The following CCDC170 variants were observed in gnomAD, a reference collection of about 807,000 sequenced individuals.
CCDC170 encodes coiled-coil domain-containing protein 170.
A neutral mutation model predicts 72.6 loss-of-function variants in CCDC170; 69 were observed. The observed-to-expected ratio is 0.95, with a 90% CI of 0.78 to 1.16. The LOEUF (loss-of-function observed/expected upper bound fraction) is 1.16, where lower values mean the gene tolerates loss of function less well. Among genes scored for constraint, CCDC170 ranks in the 50% most tolerant of loss-of-function variants. The pLI is 0.00. For missense variants in CCDC170, 852 were observed against 832.5 expected (o/e 1.02, Z -0.29); for synonymous variants, 300 against 303.9 (o/e 0.99, Z 0.13).
chr6:151,539,707 G>T (rs768761229), intron 3 of CCDC170, among the ~76,000 whole-genome samples: 15 of 152,160 alleles, frequency 9.9e-5, no homozygotes, highest in Non-Finnish European at 2.1e-4. Context: ...TCTTCCCAGA[G>T]CTCAAGAACC....
intron 9 of CCDC170, among the ~76,000 whole-genome samples, chr6:151,613,177 GA>G (rs1171503381): frequency 6.6e-6 from 1 of 152,238 alleles, no homozygotes; most frequent in Non-Finnish European, 1.5e-5. Flanking sequence ...GCTGAGGCGA[GA>G]GGATCACTTG....
At chr6:151,568,230 G>A in intron 5 of CCDC170, among the ~76,000 whole-genome samples, 1 of 151,402 alleles carries the variant, frequency 6.6e-6, no homozygotes, top group East Asian at 1.9e-4. Context: ...TTGGGACTGT[G>A]AACAGCAGGT....
chr6:151,551,920 C>T (rs1782884614), intron 5 of CCDC170, among the ~76,000 whole-genome samples: 1 of 152,144 alleles, frequency 6.6e-6, no homozygotes, highest in Non-Finnish European at 1.5e-5. Flanking sequence ...TATCATTTCA[C>T]ATTCACATTT....
intron 1 of CCDC170, among the ~76,000 whole-genome samples, chr6:151,521,900 G>A (rs932006152): frequency 2.0e-5 from 3 of 151,378 alleles, no homozygotes; most frequent in African/African-American, 7.3e-5. Context: ...GCAGGAGGAC[G>A]GTGTGAACCC....
At chr6:151,520,241 G>C (rs1782297786) in intron 1 of CCDC170, among the ~76,000 whole-genome samples, 1 of 152,246 alleles carries the variant, frequency 6.6e-6, no homozygotes, top group African/African-American at 2.4e-5. Flanking sequence ...CTTGTGATAA[G>C]TGCCAGGAGG....
At chr6:151,574,352 T>C (rs943923352) in intron 6 of CCDC170, among the ~76,000 whole-genome samples, 6 of 152,234 alleles carry the variant, frequency 3.9e-5, no homozygotes, top group African/African-American at 1.4e-4. Flanking sequence ...CTGCTGTACA[T>C]TCACTCACTG....
In CCDC170 at chr6:151,593,284, G is replaced by A. The variant is rs753680806; in HGVS notation, c.1467+4G>A. 5 of 1,611,382 alleles carry A rather than the reference G, an allele frequency of 3.1e-6. No individual in the cohort carries two copies. The highest frequency in any genetic ancestry group is 2.2e-5 in the South Asian group (2 of 90,842). ...TGCCCACAATTTGCAGAGAAAGGTA[G>A]GAGATATTGAAACTTGCTAGTATTG... On this transcript the variant is annotated splice_donor_region_variant and intron_variant, in intron 8 of 10. Coordinates refer to ENST00000239374, the MANE Select transcript of CCDC170 (RefSeq NM_025059.4).
intron 1 of CCDC170, among the ~76,000 whole-genome samples, chr6:151,512,161 TG>T (rs1341370194): frequency 2.7e-5 from 4 of 147,336 alleles, no homozygotes; most frequent in African/African-American, 7.9e-5. Context: ...CGTTTTTTTT[TG>T]TTTTTTTTTT....
intron 9 of CCDC170, among the ~76,000 whole-genome samples, chr6:151,597,832 T>C (rs1007503834): frequency 6.6e-6 from 1 of 152,218 alleles, no homozygotes; most frequent in African/African-American, 2.4e-5. Flanking sequence ...GCAAGTACAG[T>C]GGACAATAAC....
At chr6:151,506,056 T>C (rs1444859577) in intron 1 of CCDC170, among the ~76,000 whole-genome samples, 1 of 152,146 alleles carries the variant, frequency 6.6e-6, no homozygotes, top group Non-Finnish European at 1.5e-5. Context: ...AGCTATGATT[T>C]GTACCACTTC....
chr6:151,507,199 G>C (rs1782078428), intron 1 of CCDC170, among the ~76,000 whole-genome samples: 1 of 152,120 alleles, frequency 6.6e-6, no homozygotes, highest in Non-Finnish European at 1.5e-5. Flanking sequence ...AGAGCCTGTT[G>C]TAGCCCCTGC....
At chr6:151,533,011 GATGTGGGCA>G in intron 1 of CCDC170, among the ~76,000 whole-genome samples, 1 of 151,458 alleles carries the variant, frequency 6.6e-6, no homozygotes, top group Admixed American at 6.6e-5. Flanking sequence ...CTATTTGAAT[GATGTGGGCA>G]GCTCCTGCTT....
intron 7 of CCDC170, among the ~76,000 whole-genome samples, chr6:151,592,802 T>C (rs1776562288): frequency 6.6e-6 from 1 of 152,204 alleles, no homozygotes; most frequent in Non-Finnish European, 1.5e-5. Flanking sequence ...AGCAGAGAGA[T>C]GAAGATGTCA....
At chr6:151,562,868 G>A (rs1376444944) in intron 5 of CCDC170, among the ~76,000 whole-genome samples, 1 of 152,204 alleles carries the variant, frequency 6.6e-6, no homozygotes. Context: ...GGCCTTAGGG[G>A]AGGGGCTGGG....
At chr6:151,552,019 G>A (rs73615755) in intron 5 of CCDC170, among the ~76,000 whole-genome samples, 15,934 of 128,080 alleles carry the variant, frequency 0.12, 2,716 homozygotes, top group African/African-American at 0.4. Flanking sequence ...TTGTTGATTA[G>A]TGTCAGGTTT....
intron 7 of CCDC170, among the ~76,000 whole-genome samples, chr6:151,589,620 C>T (rs1417977168): frequency 2.1e-5 from 3 of 141,592 alleles, no homozygotes; most frequent in African/African-American, 5.9e-5. Flanking sequence ...CTCATTAACA[C>T]GGACTAGGGA....
chr6:151,563,272 A>G (rs972119580), intron 5 of CCDC170, among the ~76,000 whole-genome samples: 3 of 152,220 alleles, frequency 2.0e-5, no homozygotes, highest in African/African-American at 7.2e-5. Context: ...CCTAGTGGGA[A>G]GAACCACTCT....
chr6:151,504,871 GA>G (rs1306663779), intron 1 of CCDC170, among the ~76,000 whole-genome samples: 2 of 151,850 alleles, frequency 1.3e-5, no homozygotes, highest in Admixed American at 6.6e-5. Context: ...GAGCGTCGAG[GA>G]CAGAACCCAG....
At chr6:151,593,971 A>C (rs1776584268) in intron 8 of CCDC170, among the ~76,000 whole-genome samples, 1 of 152,210 alleles carries the variant, frequency 6.6e-6, no homozygotes, top group Non-Finnish European at 1.5e-5. Context: ...CTGGGGGGAC[A>C]TTTAGCAGCC....
Sources: allele counts gnomAD v4.1 joint callset (sites outside exome capture counted in the v4.1 genomes callset), GRCh38; gene constraint gnomAD v4.1.1; transcripts MANE v1.5; gene names NCBI Gene and HGNC (gene_info 2026-07-23, HGNC 2026-07-21).